MC2R: variants seen among roughly 807,000 people sequenced by gnomAD.
MC2R encodes the protein adrenocorticotropic hormone receptor.
Under a neutral mutation model 9.8 loss-of-function variants are expected in MC2R, and 9 were observed. That is an observed-to-expected ratio of 0.92 (90% CI 0.55 to 1.60). MC2R has a LOEUF of 1.60. Among genes scored for constraint, MC2R ranks in the 40% most tolerant of loss-of-function variants. The pLI is 0.00. For missense variants in MC2R, 370 were observed against 389.0 expected (o/e 0.95, Z 0.41); for synonymous variants, 185 against 154.7 (o/e 1.20, Z -1.45).
chr18:13,909,992 C>G (rs2045435728), intron 1 of MC2R, among the ~76,000 whole-genome samples: 1 of 152,092 alleles, frequency 6.6e-6, no homozygotes, highest in South Asian at 2.1e-4. Context: ...CTAAAAACAC[C>G]AAATCCAGTG....
chr18:13,885,392 G>C lies in MC2R; in HGVS notation c.127C>G (p.Leu43Val), dbSNP rs1246227918. The change falls in exon 2 of 2, where the codon CTG becomes GTG. Residue 43 changes from leucine to valine, a missense_variant. Physicochemically the swap from Leu to Val is conservative, Grantham distance 32 (BLOSUM62 1). Transcript: ENST00000327606. ...TISIVGVLEN[L>V]IVLLAVFKNK... is the part of the protein sequence containing the mutation. ...TTGAACACAGCCAGCAGGACGATCA[G>C]ATTCTCCAAAACTCCAACAATGGAA... is the stretch of plus-strand genomic sequence containing the variant. 6.2e-7 allele frequency: 1 copy of C among 1,614,026 alleles called. No individual in the cohort carries two copies. The highest frequency in any genetic ancestry group is 8.5e-7 in the Non-Finnish European group (1 of 1,179,994).
chr18:13,898,550 T>C (rs1250816422), intron 1 of MC2R, among the ~76,000 whole-genome samples: 1 of 152,124 alleles, frequency 6.6e-6, no homozygotes. Context: ...CAGGGAGTGG[T>C]TACAGCAGGC....
At chr18:13,891,668 G>A (rs752461323) in intron 1 of MC2R, among the ~76,000 whole-genome samples, 3 of 152,148 alleles carry the variant, frequency 2.0e-5, no homozygotes, top group Admixed American at 6.5e-5. Flanking sequence ...TCTTGCTGTG[G>A]AGTCTGTGAG....
chr18:13,889,749 A>T (rs900847764), intron 1 of MC2R, among the ~76,000 whole-genome samples: 1 of 152,146 alleles, frequency 6.6e-6, no homozygotes, highest in African/African-American at 2.4e-5. Context: ...AGAAGGCTCT[A>T]TTATGTGTTA....
intron 1 of MC2R, among the ~76,000 whole-genome samples, chr18:13,908,289 C>T (rs1485458628): frequency 6.6e-6 from 1 of 151,560 alleles, no homozygotes; most frequent in East Asian, 1.9e-4. Context: ...GACAAATGTC[C>T]CTTGTTCTCA....
At chr18:13,886,259 T>C (rs902896593) in intron 1 of MC2R, among the ~76,000 whole-genome samples, 2 of 152,338 alleles carry the variant, frequency 1.3e-5, no homozygotes, top group Non-Finnish European at 2.9e-5. Flanking sequence ...TAAAATAATA[T>C]ACTGGGCCCT....
At chr18:13,913,632 G>T (rs1257875753) in intron 1 of MC2R, among the ~76,000 whole-genome samples, 1 of 152,138 alleles carries the variant, frequency 6.6e-6, no homozygotes, top group Non-Finnish European at 1.5e-5. Context: ...CCACTGGGTG[G>T]GTCTGCACCA....
At chr18:13,888,807 C>T (rs1434915953) in intron 1 of MC2R, among the ~76,000 whole-genome samples, 1 of 152,206 alleles carries the variant, frequency 6.6e-6, no homozygotes, top group East Asian at 1.9e-4. Context: ...TCCATTTAAA[C>T]TTCACAAGGA....
At chr18:13,905,936 G>A (rs569753204) in intron 1 of MC2R, among the ~76,000 whole-genome samples, 4 of 152,216 alleles carry the variant, frequency 2.6e-5, no homozygotes, top group East Asian at 1.9e-4. Context: ...CACACCTGTA[G>A]TCCCAGCTAC....
At position 13,885,110 on chromosome 18, in the gene MC2R, G is replaced by T. The variant is rs104894660; in HGVS notation, c.409C>A (p.Arg137=). 10 of 1,614,132 alleles carry T rather than the reference G, an allele frequency of 6.2e-6. 1 individual carries two copies. The South Asian group carries it at 1.1e-4, about 18-fold the overall frequency. Residue 137 remains arginine (R), a synonymous_variant, in exon 2 of 2, where the codon CGG becomes AGG. Coordinates refer to ENST00000327606, the MANE Select transcript of MC2R (RefSeq NM_000529.2). ...CGCATGGTCACGATGCTGTGGTACC[G>T]CAGTGCGTGGAAGATGGTGATGTAG... ...DRYITIFHAL[R]YHSIVTMRRT...
At chr18:13,901,948 A>G (rs550271875) in intron 1 of MC2R, among the ~76,000 whole-genome samples, 1 of 152,222 alleles carries the variant, frequency 6.6e-6, no homozygotes, top group South Asian at 2.1e-4. Context: ...ACTATAGGCC[A>G]ATATCTCTGA....
intron 1 of MC2R, among the ~76,000 whole-genome samples, chr18:13,886,076 G>A (rs2045274434): frequency 6.6e-6 from 1 of 152,016 alleles, no homozygotes; most frequent in South Asian, 2.1e-4. Context: ...GACTCGGAAG[G>A]GTGGGAGGGG....
At chr18:13,904,663 C>CCAAAACAGTAA (rs372576538) in intron 1 of MC2R, among the ~76,000 whole-genome samples, 68,917 of 148,882 alleles carry the variant, frequency 0.46, 16,270 homozygotes, top group African/African-American at 0.57. Flanking sequence ...AAAACAGTAA[C>CCAAAACAGTAA]CAAAACGGTA....
chr18:13,889,803 A>G (rs781614437), intron 1 of MC2R, among the ~76,000 whole-genome samples: 4 of 152,160 alleles, frequency 2.6e-5, no homozygotes, highest in African/African-American at 7.2e-5. Context: ...TGTGCTGTGC[A>G]TGGTGGGTCT....
At chr18:13,894,299 G>A (rs533678819) in intron 1 of MC2R, among the ~76,000 whole-genome samples, 9 of 152,212 alleles carry the variant, frequency 5.9e-5, no homozygotes, top group African/African-American at 1.4e-4. Flanking sequence ...GATCTTTTGG[G>A]TATTACTAGA....
intron 1 of MC2R, among the ~76,000 whole-genome samples, chr18:13,898,872 A>C (rs1337681140): frequency 6.6e-6 from 1 of 152,186 alleles, no homozygotes; most frequent in Non-Finnish European, 1.5e-5. Flanking sequence ...AAGTTCTTTT[A>C]AATATCTGGA....
rs2045271497 is a variant in MC2R, at chr18:13,885,577, G to A, written c.-59C>T. 6.3e-7 allele frequency: 1 copy of A among 1,575,968 alleles called. No homozygotes were observed. Among genetic ancestry groups the A allele is most frequent in the Non-Finnish European group, 8.7e-7 (1 of 1,147,404 alleles). ...TTGGACTTGACTTCACGGAAAACTTGATTGATTCTTCAGGATCTTTTCTTC... is the reference window on the plus strand; with the variant it reads ...TTGGACTTGACTTCACGGAAAACTTAATTGATTCTTCAGGATCTTTTCTTC... On this transcript the variant is annotated 5_prime_UTR_variant, in exon 2 of 2. Coordinates refer to ENST00000327606, the MANE Select transcript of MC2R (RefSeq NM_000529.2).
chr18:13,891,540 A>G (rs1028318133), intron 1 of MC2R, among the ~76,000 whole-genome samples: 1 of 152,342 alleles, frequency 6.6e-6, no homozygotes, highest in Admixed American at 6.5e-5. Context: ...CATCCTCACC[A>G]GCAATGCCTG....
At chr18:13,888,750 T>C (rs554754620) in intron 1 of MC2R, among the ~76,000 whole-genome samples, 4 of 152,318 alleles carry the variant, frequency 2.6e-5, no homozygotes, top group Admixed American at 1.3e-4. Context: ...TGCTTAGAGA[T>C]TGCCTGTAGA....
Sources: gnomAD v4.1 joint callset for allele counts (sites outside exome capture counted in the v4.1 genomes callset) on GRCh38, gnomAD v4.1.1 for gene constraint, MANE v1.5 for transcripts, NCBI Gene and HGNC (gene_info 2026-07-23, HGNC 2026-07-21) for gene names.